GINM1: variants seen among roughly 807,000 people sequenced by gnomAD.
GINM1 encodes glycoprotein integral membrane protein 1.
In GINM1, 29 loss-of-function variants were observed where a neutral mutation model predicts 37.8. That is an observed-to-expected ratio of 0.77 (90% CI 0.57 to 1.05). The LOEUF is 1.05. Ranked by LOEUF, GINM1 falls within the 50% of genes least tolerant of loss-of-function variation. The pLI, the probability that GINM1 is intolerant of heterozygous loss-of-function variation, is 0.00. For synonymous variants in GINM1, 143 were observed against 146.2 expected, an observed-to-expected ratio of 0.98 and a Z score of 0.16; for missense variants, 377 against 397.9, an observed-to-expected ratio of 0.95 and a Z score of 0.45.
At chr6:149,587,086 A>G (rs555089790) in intron 7 of GINM1, among the ~76,000 whole-genome samples, 44 of 152,226 alleles carry the variant, frequency 2.9e-4, no homozygotes, top group African/African-American at 1.0e-3. Context: ...AGCCCTTAAT[A>G]TTATTTTTAA....
chr6:149,570,281 G>GCTTA (rs997281749), intron 1 of GINM1, among the ~76,000 whole-genome samples: 9 of 148,416 alleles, frequency 6.1e-5, no homozygotes, highest in African/African-American at 2.2e-4. Flanking sequence ...AACATTGGAG[G>GCTTA]CTTACTTCTG....
At chr6:149,572,221 A>T (rs1777837581) in intron 1 of GINM1, 64 bp from the exon 2 acceptor site, 1 of 897,802 alleles carries the variant, frequency 1.1e-6, no homozygotes, top group Non-Finnish European at 1.8e-6. Context: ...GGAAAAGAGA[A>T]AGCCACGTTG....
rs561478613 is a variant in GINM1 at position 149,572,649 on chromosome 6, G to T, written c.277+46G>T. ...TCCATAATTGCTCTGTTTTTTGTGT[G>T]TTTGTTGTTGTTGTTGTTGTTGTTT... On this transcript the variant is annotated intron_variant, in intron 3 of 7. Transcript: ENST00000367419. The T allele has an allele frequency of 5.3e-6, 6 of 1,132,594 alleles. No individual in the cohort carries two copies. In the African/African-American group the frequency reaches 9.2e-5, roughly 17 times the overall value. The allele number at this position is 1,132,594 out of a possible 1,614,324, so 70.2% of individuals were successfully genotyped here. A position where few individuals can be genotyped will look rare whatever the true frequency, so the allele number is the denominator to read the frequency against.
intron 7 of GINM1, among the ~76,000 whole-genome samples, chr6:149,586,293 AG>A (rs916440164): frequency 1.3e-5 from 2 of 152,164 alleles, no homozygotes; most frequent in African/African-American, 4.8e-5. Context: ...GAGGAACAGC[AG>A]GGGGGTGTCA....
chr6:149,577,493 C>T (rs767540823), intron 3 of GINM1: 2 of 152,794 alleles, frequency 1.3e-5, no homozygotes, highest in Non-Finnish European at 2.9e-5. Flanking sequence ...ACAGAAGTGC[C>T]ACTAAAGGTG....
At chr6:149,578,734 C>T in intron 3 of GINM1, 88 bp from the exon 4 acceptor site, 1 of 869,928 alleles carries the variant, frequency 1.1e-6, no homozygotes, top group Non-Finnish European at 1.8e-6. Flanking sequence ...CTGTCTTGTT[C>T]CATGTAAATG....
chr6:149,578,687 G>C (rs761995710), intron 3 of GINM1, 135 bp from the exon 4 acceptor site: 28 of 579,428 alleles, frequency 4.8e-5, no homozygotes, highest in Non-Finnish European at 6.6e-5. Flanking sequence ...CAGCATTGAG[G>C]TCAGGGATGA....
At chr6:149,579,070 A>G (rs1777959674) in intron 4 of GINM1, 97 bp downstream of exon 4, 1 of 711,682 alleles carries the variant, frequency 1.4e-6, no homozygotes, top group Non-Finnish European at 2.2e-6. Flanking sequence ...TTCCGACTTG[A>G]TAAGGAAGGT....
At chr6:149,573,264 C>T (rs766798640) in intron 3 of GINM1, among the ~76,000 whole-genome samples, 32 of 152,142 alleles carry the variant, frequency 2.1e-4, no homozygotes, top group South Asian at 4.1e-4. Flanking sequence ...GAGATCACGC[C>T]ACTGCACTCT....
At chr6:149,585,331 T>C (rs2115062485) in intron 7 of GINM1, among the ~76,000 whole-genome samples, 1 of 152,306 alleles carries the variant, frequency 6.6e-6, no homozygotes, top group East Asian at 1.9e-4. Context: ...TGTTCTTCAA[T>C]TCTTATTCTA....
chr6:149,572,240 CTG>C (rs751588704), intron 1 of GINM1, 43 bp from the exon 2 acceptor site: 4 of 1,163,678 alleles, frequency 3.4e-6, no homozygotes, highest in South Asian at 2.7e-5. Flanking sequence ...TGTTCTCAAT[CTG>C]TGAGATGCAC....
chr6:149,574,724 C>G (rs1015189294), intron 3 of GINM1, among the ~76,000 whole-genome samples: 1 of 151,944 alleles, frequency 6.6e-6, no homozygotes, highest in Non-Finnish European at 1.5e-5. Flanking sequence ...ACCTATGAGC[C>G]CAGTGTGGTG....
At chr6:149,580,103 A>G in intron 5 of GINM1, 113 bp downstream of exon 5, 1 of 690,564 alleles carries the variant, frequency 1.4e-6, no homozygotes. Context: ...GTTGCTATTT[A>G]TCTTTAATAG....
chr6:149,568,092 A>G (rs1777750057), intron 1 of GINM1, among the ~76,000 whole-genome samples: 1 of 152,228 alleles, frequency 6.6e-6, no homozygotes, highest in African/African-American at 2.4e-5. Context: ...TCACTTTCAG[A>G]AAGTCCAGAT....
intron 3 of GINM1, among the ~76,000 whole-genome samples, chr6:149,574,153 T>C (rs968942745): frequency 1.3e-5 from 2 of 150,762 alleles, no homozygotes; most frequent in East Asian, 2.0e-4. Context: ...TGGGTTCAAG[T>C]GATTCTCCTG....
rs1047430844 is a variant in GINM1 at position 149,569,525 on chromosome 6, G to A, written c.121-2760G>A. Among the ~76,000 whole-genome samples, 4 of 149,640 alleles carry A rather than the reference G, an allele frequency of 2.7e-5. No individual in the cohort carries two copies. The Admixed American group carries it at 2.7e-4, about 10-fold the overall frequency. ...GGCTAATTTTTGTATTTTTAGTAGA[G>A]ACGGGGTTTCACCATGTTGGCTAGC... On this transcript the variant is annotated intron_variant, in intron 1 of 7. Transcript: ENST00000367419.
chr6:149,567,671 A>C (rs1198903644), intron 1 of GINM1, among the ~76,000 whole-genome samples: 5 of 152,180 alleles, frequency 3.3e-5, no homozygotes, highest in African/African-American at 1.2e-4. Context: ...CCAAGTGTTA[A>C]CGTTTTAGGA....
chr6:149,580,158 C>T (rs1363537233), intron 5 of GINM1, among the ~76,000 whole-genome samples, 168 bp downstream of exon 5: 1 of 152,138 alleles, frequency 6.6e-6, no homozygotes, highest in Non-Finnish European at 1.5e-5. Flanking sequence ...TGCTTCATAA[C>T]ATGTATTGCT....
At chr6:149,574,461 C>G (rs1216038105) in intron 3 of GINM1, among the ~76,000 whole-genome samples, 1 of 152,128 alleles carries the variant, frequency 6.6e-6, no homozygotes, top group African/African-American at 2.4e-5. Flanking sequence ...TCCTCTTTGT[C>G]CCAACTGTTC....
Sources: allele counts gnomAD v4.1 joint callset (sites outside exome capture counted in the v4.1 genomes callset), GRCh38; gene constraint gnomAD v4.1.1; transcripts MANE v1.5; gene names NCBI Gene and HGNC (gene_info 2026-07-23, HGNC 2026-07-21).